The following PRKN variants were observed in gnomAD, a reference collection of about 807,000 sequenced individuals.
The protein encoded by PRKN is E3 ubiquitin-protein ligase parkin.
In PRKN, 56 loss-of-function variants were observed where a neutral mutation model predicts 59.5. The ratio of observed to expected loss-of-function variants is 0.94; its 90% CI spans 0.76 to 1.18. The LOEUF (loss-of-function observed/expected upper bound fraction) is 1.18. Among genes scored for constraint, PRKN ranks in the 50% most tolerant of loss-of-function variants. The pLI, the probability that PRKN is intolerant of heterozygous loss-of-function variation, is 0.00. For synonymous variants in PRKN, 250 were observed against 222.1 expected (o/e 1.13, Z -1.12); for missense variants, 657 against 596.4 (o/e 1.10, Z -1.06).
chr6:162,504,978 A>G lies in PRKN; in HGVS notation c.8-61505T>C, dbSNP rs77453659. ...CATGAATCAGGGAACGCTGAGGAAC[A>G]TGGCAAGGCTGCCCCATCTTATAGC... On this transcript the variant is annotated intron_variant, in intron 1 of 11. Transcript: ENST00000366898. Among the ~76,000 whole-genome samples the G allele has an allele frequency of 4.5e-3, 680 of 152,326 alleles. 9 individuals carry two copies. Among genetic ancestry groups the G allele is most frequent in the African/African-American group, 0.014 (577 of 41,584 alleles).
intron 1 of PRKN, among the ~76,000 whole-genome samples, chr6:162,598,356 A>G (rs1479125785): frequency 6.6e-6 from 1 of 152,142 alleles, no homozygotes; most frequent in African/African-American, 2.4e-5. Context: ...CCATTCAACA[A>G]TATTTGATCT....
intron 2 of PRKN, among the ~76,000 whole-genome samples, chr6:162,276,707 CTGTG>C (rs34617876): frequency 3.5e-5 from 5 of 144,506 alleles, no homozygotes; most frequent in Non-Finnish European, 4.6e-5. Flanking sequence ...GTGTGTGTGT[CTGTG>C]TGTGTGTGTG....
At position 162,046,904 on chromosome 6, in the gene PRKN, T is replaced by TAA. The variant is rs67078159; in HGVS notation, c.618+7185_618+7186dup. Among the ~76,000 whole-genome samples the TAA allele has an allele frequency of 2.3e-3, 335 of 148,876 alleles. 2 individuals carry two copies. Among genetic ancestry groups the TAA allele is most frequent in the African/African-American group, 5.1e-3 (209 of 40,754 alleles). On this transcript the variant is annotated intron_variant, in intron 5 of 11. Transcript: ENST00000366898. ...ATCTTCTAATTTTAACCTTAACAAT[T>TAA]AAAAAAAAAAACAAGAAATTTTTTG...
chr6:161,943,223 C>G (rs1468976414), intron 6 of PRKN, among the ~76,000 whole-genome samples: 1 of 152,174 alleles, frequency 6.6e-6, no homozygotes, highest in Non-Finnish European at 1.5e-5. Flanking sequence ...CAACATCTTG[C>G]CTTCTTTATG....
chr6:161,829,698 C>G (rs1235561410), intron 6 of PRKN, among the ~76,000 whole-genome samples: 1 of 151,944 alleles, frequency 6.6e-6, no homozygotes, highest in Non-Finnish European at 1.5e-5. Context: ...TGCAGGATGC[C>G]CCGGAGAGCA....
At chr6:162,237,093 T>G (rs1562603774) in intron 3 of PRKN, among the ~76,000 whole-genome samples, 1 of 152,182 alleles carries the variant, frequency 6.6e-6, no homozygotes, top group Non-Finnish European at 1.5e-5. Context: ...CTACTCTTAC[T>G]AAATTGAGAT....
chr6:162,102,540 C>T (rs1366471493), intron 4 of PRKN, among the ~76,000 whole-genome samples: 2 of 152,246 alleles, frequency 1.3e-5, no homozygotes, highest in East Asian at 1.9e-4. Flanking sequence ...ATATTTTCTT[C>T]GACTGCTCAT....
At chr6:162,269,351 C>A (rs960789624) in intron 2 of PRKN, among the ~76,000 whole-genome samples, 1 of 152,152 alleles carries the variant, frequency 6.6e-6, no homozygotes, top group Non-Finnish European at 1.5e-5. Context: ...ATCCTTTAAG[C>A]ACATACCTAG....
At chr6:162,219,503 T>C (rs1777842233) in intron 3 of PRKN, among the ~76,000 whole-genome samples, 1 of 152,128 alleles carries the variant, frequency 6.6e-6, no homozygotes, top group South Asian at 2.1e-4. Flanking sequence ...CAGAGATGAT[T>C]TTTATTCAGA....
intron 1 of PRKN, among the ~76,000 whole-genome samples, chr6:162,658,674 GAA>G (rs749187156): frequency 2.1e-5 from 2 of 97,130 alleles, no homozygotes; most frequent in African/African-American, 3.8e-5. Context: ...AAAAAAAAAA[GAA>G]AAAAAAAAGA....
chr6:161,551,931 A>G lies in PRKN; in HGVS notation c.934-2928T>C, dbSNP rs1204167956. Among the ~76,000 whole-genome samples the G allele has an allele frequency of 1.3e-5, 2 of 152,134 alleles. No homozygotes were observed. Among genetic ancestry groups the G allele is most frequent in the Non-Finnish European group, 2.9e-5 (2 of 68,024 alleles). On this transcript the variant is annotated intron_variant, in intron 8 of 11. Transcript: ENST00000366898. The surrounding 1 kb of genome is among the most constrained non-coding windows in gnomAD (Gnocchi z 5.2). Reference sequence around the variant, plus strand: ...ATGTGTGGAGGGTTGGCCTTCAGAGAGCAGGCAGCCATCCTTAGGAAGAGG... The same window carrying G: ...ATGTGTGGAGGGTTGGCCTTCAGAGGGCAGGCAGCCATCCTTAGGAAGAGG...
intron 6 of PRKN, among the ~76,000 whole-genome samples, chr6:161,907,381 C>T (rs1449430617): frequency 2.6e-5 from 4 of 152,154 alleles, no homozygotes; most frequent in African/African-American, 9.7e-5. Flanking sequence ...AGGCAATCAG[C>T]ATCTCAACTC....
At chr6:161,605,683 T>C (rs1012703196) in intron 7 of PRKN, among the ~76,000 whole-genome samples, 4 of 152,138 alleles carry the variant, frequency 2.6e-5, no homozygotes, top group African/African-American at 7.2e-5. Flanking sequence ...AGGTAATTTT[T>C]GTACTTAGTA....
intron 6 of PRKN, among the ~76,000 whole-genome samples, chr6:161,877,652 T>G (rs1346901157): frequency 6.6e-6 from 1 of 151,810 alleles, no homozygotes; most frequent in Admixed American, 6.6e-5. Flanking sequence ...GTATTTTTAG[T>G]AGAGACAGGG....
chr6:162,184,231 T>A (rs1187254649), intron 4 of PRKN, among the ~76,000 whole-genome samples: 3 of 152,164 alleles, frequency 2.0e-5, no homozygotes, highest in Non-Finnish European at 2.9e-5. Context: ...AAGCAAAAAT[T>A]ACTGATTGCA....
chr6:161,830,390 T>C (rs1197880700), intron 6 of PRKN, among the ~76,000 whole-genome samples: 2 of 152,116 alleles, frequency 1.3e-5, no homozygotes, highest in Non-Finnish European at 2.9e-5. Flanking sequence ...GAGCTGGGAC[T>C]ACAGGTGCCC....
rs543403517 is a variant in PRKN, at chr6:162,490,287, A to G, written c.8-46814T>C. Among the ~76,000 whole-genome samples, 12 of 152,348 alleles carry G rather than the reference A, an allele frequency of 7.9e-5. 1 individual carries two copies. The highest frequency in any genetic ancestry group is 5.9e-4 in the Admixed American group (9 of 15,296). ...AAGTCTACCCTTTTATGAAATATTTAAGCAAACATTTATTTACTTCTAAAC... is the reference window on the plus strand; with the variant it reads ...AAGTCTACCCTTTTATGAAATATTTGAGCAAACATTTATTTACTTCTAAAC... On this transcript the variant is annotated intron_variant, in intron 1 of 11. Coordinates refer to ENST00000366898, the MANE Select transcript of PRKN (RefSeq NM_004562.3).
intron 6 of PRKN, among the ~76,000 whole-genome samples, chr6:161,834,639 A>T (rs1229310407): frequency 6.6e-6 from 1 of 152,266 alleles, no homozygotes; most frequent in African/African-American, 2.4e-5. Flanking sequence ...TAGACACTGC[A>T]TTCTGCAAAT....
In PRKN at chr6:161,414,545, T is replaced by C. The variant is rs761880749; in HGVS notation, c.1084-27668A>G. On this transcript the variant is annotated intron_variant, in intron 9 of 11. Transcript: ENST00000366898. This position sits in a 1 kb window ranked among gnomAD's most constrained non-coding sequence, Gnocchi z 5.3. ...ATTTAGAGGAGTCGTGGTAGAATTATTTATTCACTTCTAGCCTTTTGGCTG... is the reference window on the plus strand; with the variant it reads ...ATTTAGAGGAGTCGTGGTAGAATTACTTATTCACTTCTAGCCTTTTGGCTG... 2.0e-4 allele frequency among the ~76,000 whole-genome samples: 30 copies of C among 152,254 alleles called. 1 individual carries two copies. The highest frequency in any genetic ancestry group is 4.1e-4 in the Non-Finnish European group (28 of 68,052).
Sources: gnomAD v4.1 joint callset for allele counts (sites outside exome capture counted in the v4.1 genomes callset) on GRCh38, gnomAD v4.1.1 for gene constraint, Gnocchi (gnomAD v3.1) non-coding constraint, MANE v1.5 for transcripts, NCBI Gene and HGNC (gene_info 2026-07-23, HGNC 2026-07-21) for gene names.